Variants in SLC38A10 observed in about 807,000 individuals in gnomAD.
SLC38A10 encodes the protein Sodium-coupled neutral amino acid transporter 10.
A neutral mutation model predicts 81.0 loss-of-function variants in SLC38A10; 53 were observed. The ratio of observed to expected loss-of-function variants is 0.65; its 90% CI spans 0.53 to 0.82. The LOEUF (loss-of-function observed/expected upper bound fraction) is 0.82, where lower values mean the gene tolerates loss of function less well. SLC38A10 is among the 40% of genes least tolerant of loss of function. The probability of loss-of-function intolerance (pLI) is 0.00; values close to 1 mark genes in which losing one functional copy is unlikely to be tolerated. For synonymous variants in SLC38A10, 665 were observed against 655.3 expected (o/e 1.01, Z -0.23); for missense variants, 1,471 against 1,545.0 (o/e 0.95, Z 0.80).
intron 14 of SLC38A10, 71 bp from the exon 15 acceptor site, chr17:81,247,132 G>A: frequency 3.4e-6 from 5 of 1,470,746 alleles, no homozygotes; most frequent in African/African-American, 1.4e-5. Flanking sequence ...GGACGGCGCG[G>A]CCCACAGCAA....
At position 81,245,444 on chromosome 17, in the gene SLC38A10, C is replaced by A. The variant is rs375691992; in HGVS notation, c.*112G>T. The A allele has an allele frequency of 1.2e-5, 16 of 1,351,460 alleles. No individual in the cohort carries two copies. The East Asian group carries it at 2.4e-4, about 20-fold the overall frequency. The allele number at this position is 1,351,460 out of a possible 1,614,324, so 83.7% of individuals were successfully genotyped here. A position where few individuals can be genotyped will look rare whatever the true frequency, so the allele number is the denominator to read the frequency against. ...CTTGGTGAGGGCCTCAGACATGAAA[C>A]CCTGGGGAGAGGCGAGTGTGACCTC... On this transcript the variant is annotated 3_prime_UTR_variant, in exon 16 of 16. Transcript: ENST00000374759.
chr17:81,290,365 C>T (rs1488528003), intron 1 of SLC38A10, among the ~76,000 whole-genome samples: 1 of 152,170 alleles, frequency 6.6e-6, no homozygotes, highest in Non-Finnish European at 1.5e-5. Context: ...ACCCAAATGT[C>T]CTTCAACAAG....
At chr17:81,251,896 G>T in intron 13 of SLC38A10, 1 of 517,860 alleles carries the variant, frequency 1.9e-6, no homozygotes, top group Non-Finnish European at 3.2e-6. Context: ...TTAACAACGT[G>T]TTACCTGTCA....
chr17:81,248,536 T>C (rs868806761), intron 14 of SLC38A10, among the ~76,000 whole-genome samples: 1 of 152,270 alleles, frequency 6.6e-6, no homozygotes, highest in Middle Eastern at 3.2e-3. Context: ...CTGTGACTTA[T>C]GTCATTTTTA....
intron 8 of SLC38A10, among the ~76,000 whole-genome samples, chr17:81,274,207 C>T (rs1389778410): frequency 6.6e-6 from 1 of 152,250 alleles, no homozygotes; most frequent in African/African-American, 2.4e-5. Context: ...CTGCCTCACC[C>T]GTGCCCAGGT....
chr17:81,273,181 T>C (rs929214219), intron 8 of SLC38A10, among the ~76,000 whole-genome samples: 2 of 152,220 alleles, frequency 1.3e-5, no homozygotes, highest in African/African-American at 4.8e-5. Context: ...CAAGTGCCTG[T>C]TTTGGCCCCA....
chr17:81,263,121 A>T (rs1555627904), intron 10 of SLC38A10: 1 of 151,874 alleles, frequency 6.6e-6, no homozygotes, highest in Non-Finnish European at 1.5e-5. Flanking sequence ...CTGCACAGGG[A>T]CCCCCACCAC....
chr17:81,269,122 A>T (rs2063093630), intron 10 of SLC38A10, among the ~76,000 whole-genome samples: 1 of 152,246 alleles, frequency 6.6e-6, no homozygotes, highest in Non-Finnish European at 1.5e-5. Flanking sequence ...CAAACTAAAA[A>T]GCAAAAAGTG....
chr17:81,283,566 G>A lies in SLC38A10; in HGVS notation c.264-64C>T, dbSNP rs564894214. Reference sequence around the variant, plus strand: ...CAAGCTGGCACACACCTGGGCTGCCGCCAGGGACTACCCCAAGGCTGGGCT... The same window carrying A: ...CAAGCTGGCACACACCTGGGCTGCCACCAGGGACTACCCCAAGGCTGGGCT... On this transcript the variant is annotated intron_variant, in intron 3 of 15. Transcript: ENST00000374759. This position sits in a 1 kb window ranked among gnomAD's most constrained non-coding sequence, Gnocchi z 4.7. The A allele has an allele frequency of 8.0e-5, 101 of 1,257,320 alleles. No individual in the cohort carries two copies. The highest frequency in any genetic ancestry group is 2.9e-4 in the South Asian group (23 of 80,230). The allele number at this position is 1,257,320 out of a possible 1,614,324, so 77.9% of individuals were successfully genotyped here.
rs777130524 is a variant in SLC38A10 at position 81,253,027 on chromosome 17, C to T, written c.1456+46G>A. The T allele has an allele frequency of 6.3e-7, 1 of 1,597,238 alleles. No homozygotes were observed. On this transcript the variant is annotated intron_variant, in intron 12 of 15. Transcript: ENST00000374759. The surrounding 1 kb of genome is among the most constrained non-coding windows in gnomAD (Gnocchi z 4.1). Reference sequence around the variant, plus strand: ...GGGTGTCCAGCCTGCAAAGGAGGACCCGGGGCCGCCCTTCCCCATCCGCAC... The same window carrying T: ...GGGTGTCCAGCCTGCAAAGGAGGACTCGGGGCCGCCCTTCCCCATCCGCAC...
chr17:81,280,514 GCGATCACAGTAAA>G (rs1392522229), intron 6 of SLC38A10, 82 bp downstream of exon 6: 2 of 1,538,850 alleles, frequency 1.3e-6, no homozygotes, highest in African/African-American at 2.7e-5. Flanking sequence ...CCAGCAAAGA[GCGATCACAGTAAA>G]CGAGAAAGAG....
In SLC38A10 at chr17:81,288,771, G is replaced by T. The variant is rs1304619029; in HGVS notation, c.217+920C>A. On this transcript the variant is annotated intron_variant, in intron 2 of 15. Transcript: ENST00000374759. This position sits in a 1 kb window ranked among gnomAD's most constrained non-coding sequence, Gnocchi z 5.4. ...CCACTGAACTCCAGCAACAGCCCAG[G>T]CCTGAGGAGCTTCCTCCATGGAATT... 2.6e-5 allele frequency: 4 copies of T among 152,420 alleles called. No individual in the cohort carries two copies. The highest frequency in any genetic ancestry group is 7.2e-5 in the African/African-American group (3 of 41,470). The allele number at this position is 152,420 out of a possible 1,614,324, so 9.4% of individuals were successfully genotyped here.
At position 81,251,596 on chromosome 17, in the gene SLC38A10, G is replaced by A; in HGVS notation, c.1962C>T (p.Leu654=). 4 of 1,492,466 alleles carry A rather than the reference G, an allele frequency of 2.7e-6. No individual in the cohort carries two copies. The highest frequency in any genetic ancestry group is 3.5e-6 in the Non-Finnish European group (4 of 1,128,380). The allele number at this position is 1,492,466 out of a possible 1,614,324, so 92.5% of individuals were successfully genotyped here. Residue 654 remains leucine, a synonymous_variant, in exon 14 of 16, where the codon CTC becomes CTT. Coordinates refer to ENST00000374759, the MANE Select transcript of SLC38A10 (RefSeq NM_001037984.3). ...EDSDHGGKPP[L]PAEKPAPGPG... Reference sequence around the variant, plus strand: ...GCCCTGGAGCCGGCTTCTCCGCTGGGAGGGGAGGCTTCCCACCTGCACACA... The same window carrying A: ...GCCCTGGAGCCGGCTTCTCCGCTGGAAGGGGAGGCTTCCCACCTGCACACA...
chr17:81,250,276 A>C (rs545382213), intron 14 of SLC38A10, among the ~76,000 whole-genome samples: 4 of 152,244 alleles, frequency 2.6e-5, no homozygotes, highest in South Asian at 4.1e-4. Flanking sequence ...GAACTCCTGA[A>C]GTGGCTCAGA....
chr17:81,283,631 T>C lies in SLC38A10; in HGVS notation c.264-129A>G. On this transcript the variant is annotated intron_variant, in intron 3 of 15. Coordinates refer to ENST00000374759, the MANE Select transcript of SLC38A10 (RefSeq NM_001037984.3). This position sits in a 1 kb window ranked among gnomAD's most constrained non-coding sequence, Gnocchi z 4.7. ...ATTTCTTTTTTCTTTTTTTTTTTTT[T>C]GAAACAGAGTCTCACTCTGTCGCCC... 1.7e-6 allele frequency: 1 copy of C among 572,834 alleles called. No homozygotes were observed. Among genetic ancestry groups the C allele is most frequent in the Non-Finnish European group, 3.0e-6 (1 of 337,874 alleles). 35.5% of individuals were successfully genotyped at this position (572,834 alleles called of 1,614,324 possible). A position where few individuals can be genotyped will look rare whatever the true frequency, so the allele number is the denominator to read the frequency against.
At position 81,286,427 on chromosome 17, in the gene SLC38A10, C is replaced by T. The variant is rs2063267638; in HGVS notation, c.218-1532G>A. Among the ~76,000 whole-genome samples the T allele has an allele frequency of 6.6e-6, 1 of 152,176 alleles. No individual in the cohort carries two copies. The highest frequency in any genetic ancestry group is 2.4e-5 in the African/African-American group (1 of 41,430). On this transcript the variant is annotated intron_variant, in intron 2 of 15. Transcript: ENST00000374759. The surrounding 1 kb of genome is among the most constrained non-coding windows in gnomAD (Gnocchi z 6.0). ...ACACGGCCCCACGCGCCTTCTTTTC[C>T]CCACCTGGGCCAAACCCTCACCCGC...
chr17:81,251,911 C>T (rs969687597), intron 13 of SLC38A10: 68 of 522,868 alleles, frequency 1.3e-4, no homozygotes, highest in Middle Eastern at 5.1e-4. Flanking sequence ...CTGTCAGGCG[C>T]CCCCCGCGCC....
At chr17:81,271,420 C>T (rs1218239204) in intron 9 of SLC38A10, among the ~76,000 whole-genome samples, 2 of 152,190 alleles carry the variant, frequency 1.3e-5, no homozygotes, top group Non-Finnish European at 2.9e-5. Flanking sequence ...TGCCAGGCTG[C>T]AGCCCCTGCC....
chr17:81,253,371 A>G lies in SLC38A10; in HGVS notation c.1289-131T>C. ...AGCAGTTTCTTTTTCCTGTTCGATC[A>G]TTAGCAGCTAAGTAGCACAGAAAAC... On this transcript the variant is annotated intron_variant, in intron 11 of 15. Transcript: ENST00000374759. This position sits in a 1 kb window ranked among gnomAD's most constrained non-coding sequence, Gnocchi z 4.1. 1 of 1,102,338 alleles carries G rather than the reference A, an allele frequency of 9.1e-7. No homozygotes were observed. Among genetic ancestry groups the G allele is most frequent in the African/African-American group, 1.6e-5 (1 of 63,580 alleles). 68.3% of individuals were successfully genotyped at this position (1,102,338 alleles called of 1,614,324 possible). A position where few individuals can be genotyped will look rare whatever the true frequency, so the allele number is the denominator to read the frequency against.
Sources: allele counts gnomAD v4.1 joint callset (sites outside exome capture counted in the v4.1 genomes callset), GRCh38; gene constraint gnomAD v4.1.1; non-coding constraint Gnocchi (gnomAD v3.1); transcripts MANE v1.5; gene names NCBI Gene and HGNC (gene_info 2026-07-23, HGNC 2026-07-21).